The following EIF5 variants were observed in gnomAD, a reference collection of about 807,000 sequenced individuals.
The protein encoded by EIF5 is eukaryotic translation initiation factor 5.
In EIF5, 10 loss-of-function variants were observed where a neutral mutation model predicts 48.3. The ratio of observed to expected loss-of-function variants is 0.21; its 90% CI spans 0.13 to 0.35. The LOEUF (loss-of-function observed/expected upper bound fraction) is 0.35. Among genes scored for constraint, EIF5 ranks in the 10% least tolerant of loss-of-function variants. EIF5 has a pLI of 1.00. For synonymous variants in EIF5, 237 were observed against 173.1 expected (o/e 1.37, Z -2.90); for missense variants, 397 against 533.2 (o/e 0.74, Z 2.51).
chr14:103,339,936 G>A, intron 10 of EIF5, 133 bp downstream of exon 10: 3 of 1,051,854 alleles, frequency 2.9e-6, no homozygotes, highest in Non-Finnish European at 1.3e-6. Flanking sequence ...TCAGCTCCCT[G>A]AAACCTCCAC....
chr14:103,335,950 A>C lies in EIF5; in HGVS notation c.72+18A>C. The stretch of plus-strand genomic sequence containing the variant: ...TTGCCAAGGTAATAAACTGCTCTTC[A>C]ATTTAGTTGATAGCTCTTTTTGTAG... On this transcript the variant is annotated intron_variant, in intron 3 of 11. Transcript: ENST00000216554. 1 of 1,614,148 alleles carries C rather than the reference A, an allele frequency of 6.2e-7. No individual in the cohort carries two copies. The highest frequency in any genetic ancestry group is 8.5e-7 in the Non-Finnish European group (1 of 1,179,994).
At chr14:103,337,019 A>C in intron 5 of EIF5, 97 bp from the exon 6 acceptor site, 2 of 1,364,616 alleles carry the variant, frequency 1.5e-6, no homozygotes, top group Non-Finnish European at 2.0e-6. Flanking sequence ...GTGTGAAAAA[A>C]GTTTTCTTTG....
Position 103,344,104 on chromosome 14 carries a change from G to A in EIF5, c.*3052G>A, listed in dbSNP as rs529433031. On this transcript the variant is annotated 3_prime_UTR_variant, in exon 12 of 12. Coordinates refer to ENST00000216554, the MANE Select transcript of EIF5 (RefSeq NM_001969.5). ...GTCACTTTGGTCATCTCTGTCCCCAGTACAGATCTTGATTCATAGTGACAT... is the reference window on the plus strand; with the variant it reads ...GTCACTTTGGTCATCTCTGTCCCCAATACAGATCTTGATTCATAGTGACAT... The A allele has an allele frequency of 5.9e-5, 9 of 152,232 alleles. No homozygotes were observed. The highest frequency in any genetic ancestry group is 1.3e-4 in the Non-Finnish European group (9 of 68,056). 9.4% of individuals were successfully genotyped at this position (152,232 alleles called of 1,614,324 possible). A position where few individuals can be genotyped will look rare whatever the true frequency, so the allele number is the denominator to read the frequency against.
Position 103,337,200 on chromosome 14 carries a change from T to C in EIF5, c.412T>C (p.Cys138Arg). 1.2e-5 allele frequency: 19 copies of C among 1,613,060 alleles called. No individual in the cohort carries two copies. The highest frequency in any genetic ancestry group is 1.6e-5 in the Non-Finnish European group (19 of 1,179,812). Residue 138 changes from cysteine to arginine, a missense_variant, in exon 6 of 12, where the codon TGC becomes CGC. Transcript: ENST00000216554. ...RGMLDTHHKLCTFILKNPPEN... is the reference protein window; with the variant it reads ...RGMLDTHHKLRTFILKNPPEN... ...CATGCTTGACACACATCATAAACTC[T>C]GCACATTCATTCTCAAAAACCCACC...
At position 103,335,866 on chromosome 14, in the gene EIF5, T is replaced by C; in HGVS notation, c.6T>C (p.Ser2=). M[S]VNVNRSVSDQ... ...AAAGCCACTAATAAGCCAAAATGTC[T>C]GTCAATGTCAACCGCAGCGTGTCAG... is the stretch of plus-strand genomic sequence containing the variant. The change falls in exon 3 of 12, where the codon TCT becomes TCC. Residue 2 remains serine, a synonymous_variant. Coordinates refer to ENST00000216554, the MANE Select transcript of EIF5 (RefSeq NM_001969.5). 1 of 1,614,190 alleles carries C rather than the reference T, an allele frequency of 6.2e-7. No homozygotes were observed. The highest frequency in any genetic ancestry group is 8.5e-7 in the Non-Finnish European group (1 of 1,180,024).
intron 2 of EIF5, chr14:103,334,963 A>G (rs1309620345): frequency 3.3e-5 from 5 of 151,926 alleles, no homozygotes; most frequent in African/African-American, 1.2e-4. Flanking sequence ...ATGGGGCCAG[A>G]CGCCCCGGTC....
intron 4 of EIF5, 163 bp downstream of exon 4, chr14:103,336,280 A>G: frequency 1.3e-6 from 1 of 762,862 alleles, no homozygotes; most frequent in Admixed American, 2.9e-5. Context: ...CTACCAGGGG[A>G]ACGCATTTAA....
chr14:103,336,150 A>C (rs758963097), intron 4 of EIF5, 33 bp downstream of exon 4: 1 of 1,600,268 alleles, frequency 6.2e-7, no homozygotes, highest in Non-Finnish European at 8.5e-7. Context: ...CACAGGGCAT[A>C]TTATGGATAG....
rs747643244 is a variant in EIF5 at position 103,338,276 on chromosome 14, G to A, written c.440-51G>A. On this transcript the variant is annotated intron_variant, in intron 6 of 11. Transcript: ENST00000216554. ...GTTTTAAACGTTAATGATGGGCAAT[G>A]AGGTAATGTAAGTTATGGGGTTAAA... is the stretch of plus-strand genomic sequence containing the variant. 3 of 1,590,628 alleles carry A rather than the reference G, an allele frequency of 1.9e-6. No homozygotes were observed. The East Asian group carries it at 6.7e-5, about 36-fold the overall frequency.
At chr14:103,336,458 G>C (rs1285863498) in intron 4 of EIF5, 5 of 571,296 alleles carry the variant, frequency 8.8e-6, no homozygotes, top group African/African-American at 3.8e-5. Flanking sequence ...GCATGCGCTT[G>C]TAGTCCCAGC....
intron 4 of EIF5, 35 bp from the exon 5 acceptor site, chr14:103,336,642 C>G (rs774399549): frequency 1.9e-6 from 3 of 1,563,496 alleles, no homozygotes; most frequent in Non-Finnish European, 2.6e-6. Context: ...ATCTAGTTAA[C>G]TGTAACGATC....
rs763275534 is a variant in EIF5, at chr14:103,338,834, A to G, written c.685A>G (p.Ser229Gly). 1 of 1,614,228 alleles carries G rather than the reference A, an allele frequency of 6.2e-7. No individual in the cohort carries two copies. The highest frequency in any genetic ancestry group is 1.1e-5 in the South Asian group (1 of 91,086). The change falls in exon 8 of 12, where the codon AGT becomes GGT. Residue 229 changes from serine (S) to glycine (G), a missense_variant. Physicochemically the swap from Ser to Gly is moderately conservative, Grantham distance 56 (BLOSUM62 0). Transcript: ENST00000216554. ...TGACCATGCAAAAGTTCTGACACTCAGTGATGATTTGGAAAGAACAATTGA... is the reference window on the plus strand; with the variant it reads ...TGACCATGCAAAAGTTCTGACACTCGGTGATGATTTGGAAAGAACAATTGA... ...ISDHAKVLTL[S>G]DDLERTIEER... is the part of the protein sequence containing the mutation.
At chr14:103,337,786 C>T (rs1380305568) in intron 6 of EIF5, 1 of 458,116 alleles carries the variant, frequency 2.2e-6, no homozygotes, top group Non-Finnish European at 4.3e-6. Flanking sequence ...GGAAACCCAG[C>T]AAAGTTTCTT....
chr14:103,338,884 T>G lies in EIF5; in HGVS notation c.735T>G (p.Asp245Glu). The G allele has an allele frequency of 6.2e-7, 1 of 1,613,584 alleles. No homozygotes were observed. The highest frequency in any genetic ancestry group is 8.5e-7 in the Non-Finnish European group (1 of 1,179,854). The change falls in exon 8 of 12, where the codon GAT becomes GAG. Residue 245 changes from aspartate (D) to glutamate (E), a missense_variant. Transcript: ENST00000216554. Reference protein sequence around the residue: ...TIEERVNILFDFVKKKKEEGV... With the variant: ...TIEERVNILFEFVKKKKEEGV... ...AGGAGAGGGTCAATATCCTCTTTGA[T>G]TTTGTTAAGGTAAAACATTTGCTTG...
chr14:103,340,823 T>A, intron 11 of EIF5, 140 bp from the exon 12 acceptor site: 4 of 936,128 alleles, frequency 4.3e-6, no homozygotes, highest in Non-Finnish European at 6.4e-6. Flanking sequence ...GAACTTGCAG[T>A]GTTTGCATAA....
At chr14:103,334,749 G>C (rs2089262588) in intron 2 of EIF5, 152 bp downstream of exon 2, 1 of 144,496 alleles carries the variant, frequency 6.9e-6, no homozygotes, top group East Asian at 2.2e-4. Flanking sequence ...CGCGCTCCCC[G>C]GCCCGGCCTC....
rs752238411 is a variant in EIF5, at chr14:103,337,103, A to AT, written c.328-6dup. On this transcript the variant is annotated splice_polypyrimidine_tract_variant and intron_variant, in intron 5 of 11. Coordinates refer to ENST00000216554, the MANE Select transcript of EIF5 (RefSeq NM_001969.5). ...TGTTATATTATGGATAACATTTGTT[A>AT]TTTTTTTGGCAGCATGTCAATCCAA... 11 of 1,602,922 alleles carry AT rather than the reference A, an allele frequency of 6.9e-6. No individual in the cohort carries two copies. The South Asian group carries it at 8.9e-5, about 13-fold the overall frequency.
rs2089385514 is a variant in EIF5, at chr14:103,344,124, T to C, written c.*3072T>C. On this transcript the variant is annotated 3_prime_UTR_variant, in exon 12 of 12. Coordinates refer to ENST00000216554, the MANE Select transcript of EIF5 (RefSeq NM_001969.5). Reference sequence around the variant, plus strand: ...CCCCAGTACAGATCTTGATTCATAGTGACATTCCATAAGTGGGGTGACAGC... The same window carrying C: ...CCCCAGTACAGATCTTGATTCATAGCGACATTCCATAAGTGGGGTGACAGC... 1 of 152,236 alleles carries C rather than the reference T, an allele frequency of 6.6e-6. No individual in the cohort carries two copies. The highest frequency in any genetic ancestry group is 1.5e-5 in the Non-Finnish European group (1 of 68,060). The allele number at this position is 152,236 out of a possible 1,614,324, so 9.4% of individuals were successfully genotyped here.
At position 103,338,360 on chromosome 14, in the gene EIF5, A is replaced by G; in HGVS notation, c.473A>G (p.Lys158Arg). 1 of 1,614,146 alleles carries G rather than the reference A, an allele frequency of 6.2e-7. No homozygotes were observed. ...GACAGTGGTACAGGAAAGAAAGAAA[A>G]AGAAAAGAAAAACAGAAAGGGCAAA... ...NSDSGTGKKE[K>R]EKKNRKGKDK... The change falls in exon 7 of 12, where the codon AAA becomes AGA. Residue 158 changes from lysine (K) to arginine (R), a missense_variant. Physicochemically the swap from Lys to Arg is conservative, Grantham distance 26. Transcript: ENST00000216554.
Sources: gnomAD v4.1 joint callset for allele counts on GRCh38, gnomAD v4.1.1 for gene constraint, MANE v1.5 for transcripts, NCBI Gene and HGNC (gene_info 2026-07-23, HGNC 2026-07-21) for gene names.